The following PCSK5 variants were observed in gnomAD, a reference collection of about 807,000 sequenced individuals.
PCSK5 encodes prohormone convertase 5.
Under a neutral mutation model 233.2 loss-of-function variants are expected in PCSK5, and 129 were observed. The ratio of observed to expected loss-of-function variants is 0.55; its 90% CI spans 0.48 to 0.64. The LOEUF is 0.64. Among genes scored for constraint, PCSK5 ranks in the 30% least tolerant of loss-of-function variants. PCSK5 has a pLI of 0.00. For synonymous variants in PCSK5, 825 were observed against 879.2 expected (o/e 0.94, Z 1.09); for missense variants, 2,076 against 2,430.1 (o/e 0.85, Z 3.06).
In PCSK5 at chr9:76,332,493, G is replaced by A; in HGVS notation, c.4631G>A (p.Cys1544Tyr). 2.5e-6 allele frequency: 4 copies of A among 1,612,596 alleles called. No homozygotes were observed. The highest frequency in any genetic ancestry group is 3.4e-6 in the Non-Finnish European group (4 of 1,179,612). ...GYYADEDSNRCAHCHSSCRTC... is the reference protein window; with the variant it reads ...GYYADEDSNRYAHCHSSCRTC... Reference sequence around the variant, plus strand: ...TATGCCGATGAGGACAGCAACCGGTGTGCCCACTGCCACAGCTCTTGCAGG... The same window carrying A: ...TATGCCGATGAGGACAGCAACCGGTATGCCCACTGCCACAGCTCTTGCAGG... Residue 1544 changes from cysteine (C) to tyrosine (Y), a missense_variant, in exon 34 of 38, where the codon TGT becomes TAT. Cys to Tyr is a radical substitution (Grantham distance 194). Around this residue, in one of 6 missense-constraint regions of PCSK5, gnomAD observed 1,510 missense variants for 1,538.1 expected, o/e 0.98. Coordinates refer to ENST00000674117, the MANE Select transcript of PCSK5 (RefSeq NM_001372043.1).
chr9:76,258,251 T>C (rs1259652884), intron 24 of PCSK5, among the ~76,000 whole-genome samples: 1 of 152,194 alleles, frequency 6.6e-6, no homozygotes, highest in Non-Finnish European at 1.5e-5. Flanking sequence ...TGGTAGAATT[T>C]TATGCCCTCA....
At chr9:76,062,604 C>T (rs1288767593) in intron 5 of PCSK5, among the ~76,000 whole-genome samples, 1 of 151,986 alleles carries the variant, frequency 6.6e-6, no homozygotes, top group Non-Finnish European at 1.5e-5. Flanking sequence ...TGGCTTATGG[C>T]CTTTTTGTTT....
At chr9:76,079,088 T>C (rs1238600493) in intron 7 of PCSK5, among the ~76,000 whole-genome samples, 1 of 151,780 alleles carries the variant, frequency 6.6e-6, no homozygotes, top group African/African-American at 2.4e-5. Context: ...GTGTGGCTAG[T>C]GTGGATGGAT....
chr9:76,037,923 GAA>G (rs1027575317), intron 5 of PCSK5, among the ~76,000 whole-genome samples: 18 of 152,266 alleles, frequency 1.2e-4, no homozygotes, highest in African/African-American at 4.1e-4. Context: ...ATGAATTTTA[GAA>G]AAGAGTGACC....
At chr9:76,058,315 G>A (rs1829898788) in intron 5 of PCSK5, among the ~76,000 whole-genome samples, 1 of 152,086 alleles carries the variant, frequency 6.6e-6, no homozygotes, top group Non-Finnish European at 1.5e-5. Flanking sequence ...TTGGTTCAGT[G>A]GGATGAGTGA....
chr9:76,092,653 C>T (rs1831343297), intron 7 of PCSK5, among the ~76,000 whole-genome samples: 1 of 152,214 alleles, frequency 6.6e-6, no homozygotes, highest in Admixed American at 6.5e-5. Context: ...GCACTGCACC[C>T]AGCCCGTTAG....
At chr9:76,203,239 A>G (rs959770377) in intron 20 of PCSK5, among the ~76,000 whole-genome samples, 7 of 152,082 alleles carry the variant, frequency 4.6e-5, no homozygotes, top group African/African-American at 1.2e-4. Context: ...CATTAAAGCC[A>G]ATGCTTTAGG....
intron 37 of PCSK5, 116 bp from the exon 38 acceptor site, chr9:76,358,397 C>T (rs539049376): frequency 2.1e-5 from 16 of 755,838 alleles, no homozygotes; most frequent in Non-Finnish European, 3.2e-5. Flanking sequence ...AGTGATTCTA[C>T]CATTTTCAAT....
rs369082084 is a variant in PCSK5, at chr9:76,189,724, A to G, written c.2604A>G (p.Gln868=). ...SGYLLDLGMC[Q]MGAICKDGEY... is the part of the protein sequence containing the mutation. ...ATCTCTTAGACTTAGGAATGTGTCA[A>G]ATGGGAGCCATTTGCAAGGATGGTG... is the stretch of plus-strand genomic sequence containing the variant. Residue 868 remains glutamine (Q), a synonymous_variant, in exon 20 of 38, where the codon CAA becomes CAG. Transcript: ENST00000674117. 6 of 1,602,966 alleles carry G rather than the reference A, an allele frequency of 3.7e-6. No homozygotes were observed. The highest frequency in any genetic ancestry group is 5.1e-6 in the Non-Finnish European group (6 of 1,170,022).
At chr9:75,986,320 T>A in intron 3 of PCSK5, 75 bp downstream of exon 3, 1 of 855,396 alleles carries the variant, frequency 1.2e-6, no homozygotes, top group Non-Finnish European at 2.0e-6. Context: ...TCTGTTGGTC[T>A]TGGGAGGACA....
intron 20 of PCSK5, among the ~76,000 whole-genome samples, chr9:76,212,146 C>A (rs1162533827): frequency 6.6e-6 from 1 of 152,176 alleles, no homozygotes; most frequent in East Asian, 1.9e-4. Context: ...ACTCTTCCGC[C>A]AGACAGTTCT....
chr9:76,065,454 A>G (rs1184613625), intron 5 of PCSK5, among the ~76,000 whole-genome samples: 4 of 152,064 alleles, frequency 2.6e-5, no homozygotes, highest in Admixed American at 2.0e-4. Flanking sequence ...GTCCAATTAT[A>G]TGTCTTCTTT....
chr9:76,160,920 C>T (rs545383540), intron 12 of PCSK5, among the ~76,000 whole-genome samples: 2 of 152,144 alleles, frequency 1.3e-5, no homozygotes, highest in East Asian at 3.9e-4. Flanking sequence ...ATTACAGGCA[C>T]ACGCCACCAC....
At position 76,179,768 on chromosome 9, in the gene PCSK5, A is replaced by G. The variant is rs145737964; in HGVS notation, c.2003+70A>G. 52 of 1,057,550 alleles carry G rather than the reference A, an allele frequency of 4.9e-5. No individual in the cohort carries two copies. In the African/African-American group the frequency reaches 7.1e-4, roughly 15 times the overall value. The allele number at this position is 1,057,550 out of a possible 1,614,324, so 65.5% of individuals were successfully genotyped here. ...TCTTAGGAGTTCCTGCAAGGCTAAT[A>G]CCATGGGGTGTGTGCAGGCCACTGG... On this transcript the variant is annotated intron_variant, in intron 15 of 37. Coordinates refer to ENST00000674117, the MANE Select transcript of PCSK5 (RefSeq NM_001372043.1).
rs59248860 is a variant in PCSK5 at position 76,173,496 on chromosome 9, C to CTTTTTTTTTTTTTTTTTTTTTTT, written c.1757-1476_1757-1454dup. 2.3e-3 allele frequency among the ~76,000 whole-genome samples: 142 copies of CTTTTTTTTTTTTTTTTTTTTTTT among 60,992 alleles called. 21 individuals are homozygous for CTTTTTTTTTTTTTTTTTTTTTTT. The highest frequency in any genetic ancestry group is 0.015 in the Middle Eastern group (1 of 68). 40.0% of individuals were successfully genotyped at this position (60,992 alleles called of 152,430 possible). A position where few individuals can be genotyped will look rare whatever the true frequency, so the allele number is the denominator to read the frequency against. Reference sequence around the variant, plus strand: ...CTTTAATGAAATGGAGGCACGTTTCCTTTTTTTTTTTTTTTTTTTTTTTTT... The same window carrying CTTTTTTTTTTTTTTTTTTTTTTT: ...CTTTAATGAAATGGAGGCACGTTTCCTTTTTTTTTTTTTTTTTTTTTTTTTTTTTTTTTTTTTTTTTTTTTTTT... On this transcript the variant is annotated intron_variant, in intron 13 of 37. Coordinates refer to ENST00000674117, the MANE Select transcript of PCSK5 (RefSeq NM_001372043.1).
intron 2 of PCSK5, among the ~76,000 whole-genome samples, chr9:75,959,322 T>A (rs1203506185): frequency 6.6e-6 from 1 of 152,106 alleles, no homozygotes; most frequent in East Asian, 1.9e-4. Flanking sequence ...TCATTGTTGC[T>A]CAAGCTAAGG....
At position 76,296,868 on chromosome 9, in the gene PCSK5, A is replaced by G. The variant is rs912618478; in HGVS notation, c.3523+3A>G. On this transcript the variant is annotated splice_donor_region_variant and intron_variant, in intron 27 of 37. Coordinates refer to ENST00000674117, the MANE Select transcript of PCSK5 (RefSeq NM_001372043.1). ...GGAGGAGGGCAAATTCTGGAATGGT[A>G]TGTGCCCCCCAAAAAAGAGGTCACA... is the stretch of plus-strand genomic sequence containing the variant. The G allele has an allele frequency of 6.3e-7, 1 of 1,591,830 alleles. No individual in the cohort carries two copies. The highest frequency in any genetic ancestry group is 1.4e-5 in the African/African-American group (1 of 69,770).
chr9:75,993,371 T>A (rs1241594788), intron 3 of PCSK5, among the ~76,000 whole-genome samples: 1 of 152,142 alleles, frequency 6.6e-6, no homozygotes, highest in Non-Finnish European at 1.5e-5. Context: ...TCAACCTTAG[T>A]TCATTTGAAA....
chr9:76,319,454 A>G (rs1829128164), intron 30 of PCSK5, among the ~76,000 whole-genome samples: 1 of 149,868 alleles, frequency 6.7e-6, no homozygotes, highest in Non-Finnish European at 1.5e-5. Context: ...CATTACTAAT[A>G]TAACCTAGGA....
Sources: gnomAD v4.1 joint callset for allele counts (sites outside exome capture counted in the v4.1 genomes callset) on GRCh38, gnomAD v4.1.1 for gene constraint, gnomAD v4.1.1 regional missense constraint, MANE v1.5 for transcripts, NCBI Gene and HGNC (gene_info 2026-07-23, HGNC 2026-07-21) for gene names.